Variants in NCALD observed in about 807,000 individuals in gnomAD.
NCALD encodes neurocalcin delta.
NCALD carries 10 observed loss-of-function variants against 18.6 expected under a neutral mutation model. The ratio of observed to expected loss-of-function variants is 0.54; its 90% CI spans 0.33 to 0.91. NCALD has a LOEUF of 0.91. Ranked by LOEUF, NCALD falls within the 40% of genes least tolerant of loss-of-function variation. The pLI is 0.03. For synonymous variants in NCALD, 88 were observed against 87.4 expected, an observed-to-expected ratio of 1.01 and a Z score of -0.04; for missense variants, 184 against 247.6, an observed-to-expected ratio of 0.74 and a Z score of 1.72.
intron 1 of NCALD, among the ~76,000 whole-genome samples, chr8:102,105,073 AT>A (rs1323136565): frequency 2.0e-5 from 3 of 152,144 alleles, no homozygotes; most frequent in African/African-American, 7.2e-5. Flanking sequence ...CAAGAGATAG[AT>A]TTCTGATAAT....
At chr8:101,928,031 AT>A (rs994495643) in intron 2 of NCALD, among the ~76,000 whole-genome samples, 2 of 152,230 alleles carry the variant, frequency 1.3e-5, no homozygotes, top group Non-Finnish European at 2.9e-5. Context: ...AACATTGGAA[AT>A]CTGTCAGGAC....
At chr8:101,863,653 C>T (rs1466459802) in intron 4 of NCALD, among the ~76,000 whole-genome samples, 1 of 152,172 alleles carries the variant, frequency 6.6e-6, no homozygotes, top group Non-Finnish European at 1.5e-5. Context: ...TATTATTCCA[C>T]ATATTAATAT....
At chr8:102,067,894 A>G (rs1389504174) in intron 1 of NCALD, among the ~76,000 whole-genome samples, 1 of 152,068 alleles carries the variant, frequency 6.6e-6, no homozygotes, top group Non-Finnish European at 1.5e-5. Flanking sequence ...GGTCTAATAC[A>G]ATTATTTTCC....
intron 1 of NCALD, among the ~76,000 whole-genome samples, chr8:102,077,914 G>A (rs1467484426): frequency 1.3e-5 from 2 of 152,124 alleles, no homozygotes; most frequent in Non-Finnish European, 1.5e-5. Context: ...CTCTCTCTGG[G>A]TGATTCTAGC....
intron 4 of NCALD, among the ~76,000 whole-genome samples, chr8:101,812,237 C>A (rs1813331922): frequency 6.6e-6 from 1 of 152,128 alleles, no homozygotes; most frequent in Admixed American, 6.6e-5. Context: ...AATCCAGCCC[C>A]TTATTACTAT....
chr8:101,689,330 C>T lies in NCALD; in HGVS notation c.561G>A (p.Pro187=), dbSNP rs377687036. 146 of 1,613,812 alleles carry T rather than the reference C, an allele frequency of 9.0e-5. No homozygotes were observed. The Middle Eastern group carries it at 2.5e-3, about 27-fold the overall frequency. ...PSIVRLLQCD[P]SSAGQF ...GGGCTCAGAACTGGCCGGCACTGCT[C>T]GGGTCGCACTGCAGGAGGCGCACAA... is the stretch of plus-strand genomic sequence containing the variant. The change falls in exon 4 of 4, where the codon CCG becomes CCA. Residue 187 remains proline (P), a synonymous_variant. Coordinates refer to ENST00000220931, the MANE Select transcript of NCALD (RefSeq NM_032041.3). The surrounding 1 kb of genome is among the most constrained non-coding windows in gnomAD (Gnocchi z 4.4).
intron 1 of NCALD, among the ~76,000 whole-genome samples, chr8:102,035,237 T>TG (rs78599898): frequency 0.14 from 21,803 of 152,006 alleles, 1,882 homozygotes; most frequent in Non-Finnish European, 0.2. Context: ...TTCAAAAAGG[T>TG]GAGCCATGCT....
At chr8:102,112,970 T>C (rs1362869782) in intron 1 of NCALD, among the ~76,000 whole-genome samples, 1 of 150,760 alleles carries the variant, frequency 6.6e-6, no homozygotes, top group East Asian at 1.9e-4. Flanking sequence ...GACATCAGAA[T>C]TATAAGCCAA....
chr8:102,060,798 C>G (rs1399627906), intron 1 of NCALD, among the ~76,000 whole-genome samples: 1 of 152,082 alleles, frequency 6.6e-6, no homozygotes, highest in Non-Finnish European at 1.5e-5. Context: ...CACTTCTTCA[C>G]CAGAAGTAAA....
At chr8:101,817,766 T>A (rs1286985688) in intron 4 of NCALD, among the ~76,000 whole-genome samples, 1 of 152,176 alleles carries the variant, frequency 6.6e-6, no homozygotes, top group Non-Finnish European at 1.5e-5. Flanking sequence ...CTCCCGTGAA[T>A]GCAGCATTCT....
At chr8:101,995,100 G>A (rs1821189012) in intron 2 of NCALD, among the ~76,000 whole-genome samples, 1 of 152,050 alleles carries the variant, frequency 6.6e-6, no homozygotes, top group African/African-American at 2.4e-5. Context: ...CTCTATTATG[G>A]TACACATCAA....
intron 3 of NCALD, among the ~76,000 whole-genome samples, chr8:101,888,385 G>A (rs1816749580): frequency 6.6e-6 from 1 of 151,904 alleles, no homozygotes; most frequent in Non-Finnish European, 1.5e-5. Context: ...ATATTTAGCT[G>A]GACTTTCTTT....
chr8:102,050,316 TTAATAATCTCATTTTTGAG>T (rs1208728414), intron 1 of NCALD, among the ~76,000 whole-genome samples: 2 of 151,968 alleles, frequency 1.3e-5, no homozygotes, highest in African/African-American at 2.4e-5. Flanking sequence ...TTTCATTCTC[TTAATAATCTCATTTTTGAG>T]TAAAACAGTC....
chr8:102,106,466 T>TACAC lies in NCALD; in HGVS notation c.-210+17767_-210+17770dup, dbSNP rs398009101. On this transcript the variant is annotated intron_variant, in intron 1 of 6. Transcript: ENST00000311028. ...TATAGTATATATATATATATATATA[T>TACAC]ACACACACACACACACACACACACA... Among the ~76,000 whole-genome samples the TACAC allele has an allele frequency of 2.0e-3, 278 of 139,102 alleles. 2 individuals carry two copies. Among genetic ancestry groups the TACAC allele is most frequent in the East Asian group, 0.014 (70 of 4,942 alleles). 91.3% of individuals were successfully genotyped at this position (139,102 alleles called of 152,430 possible). A position where few individuals can be genotyped will look rare whatever the true frequency, so the allele number is the denominator to read the frequency against.
At chr8:102,029,880 TA>T (rs1822606976) in intron 1 of NCALD, among the ~76,000 whole-genome samples, 1 of 152,194 alleles carries the variant, frequency 6.6e-6, no homozygotes, top group South Asian at 2.1e-4. Flanking sequence ...TTAATTATAT[TA>T]TTCCTAAAGT....
chr8:102,056,344 A>G (rs1247276604), intron 1 of NCALD, among the ~76,000 whole-genome samples: 1 of 152,228 alleles, frequency 6.6e-6, no homozygotes, highest in Non-Finnish European at 1.5e-5. Flanking sequence ...AATAGCCACA[A>G]GATATGAGGA....
At chr8:102,109,381 G>T (rs1018962447) in intron 1 of NCALD, among the ~76,000 whole-genome samples, 1 of 151,852 alleles carries the variant, frequency 6.6e-6, no homozygotes, top group African/African-American at 2.4e-5. Flanking sequence ...AATCAGTTTG[G>T]CCCCTTATTT....
chr8:101,995,860 T>C (rs758539878), intron 2 of NCALD, among the ~76,000 whole-genome samples: 37 of 152,320 alleles, frequency 2.4e-4, no homozygotes, highest in East Asian at 5.8e-4. Flanking sequence ...TCCAGCAACT[T>C]CCTGGTTTAT....
At chr8:102,022,645 A>G (rs1168775622) in intron 1 of NCALD, among the ~76,000 whole-genome samples, 1 of 152,202 alleles carries the variant, frequency 6.6e-6, no homozygotes, top group Non-Finnish European at 1.5e-5. Context: ...TTCCAGCAGG[A>G]GCAAAGCAAA....
Sources: gnomAD v4.1 joint callset for allele counts (sites outside exome capture counted in the v4.1 genomes callset) on GRCh38, gnomAD v4.1.1 for gene constraint, Gnocchi (gnomAD v3.1) non-coding constraint, MANE v1.5 for transcripts, NCBI Gene and HGNC (gene_info 2026-07-23, HGNC 2026-07-21) for gene names.